The following DNAH1 variants were observed in gnomAD, a reference collection of about 807,000 sequenced individuals.
DNAH1 encodes the protein axonemal beta dynein heavy chain 1.
Under a neutral mutation model 484.3 loss-of-function variants are expected in DNAH1, and 327 were observed. That is an observed-to-expected ratio of 0.68 (90% CI 0.62 to 0.74). The LOEUF is 0.74. DNAH1 is among the 30% of genes least tolerant of loss of function. The pLI, the probability that DNAH1 is intolerant of heterozygous loss-of-function variation, is 0.00. For missense variants in DNAH1, 5,052 were observed against 5,546.8 expected, an observed-to-expected ratio of 0.91 and a Z score of 2.83; for synonymous variants, 2,192 against 2,191.9, an observed-to-expected ratio of 1.00 and a Z score of 0.00.
intron 3 of DNAH1, among the ~76,000 whole-genome samples, chr3:52,325,611 T>C (rs1412173598): frequency 6.6e-6 from 1 of 152,214 alleles, no homozygotes; most frequent in Non-Finnish European, 1.5e-5. Flanking sequence ...CTGTATACCC[T>C]GCTCATCTAA....
intron 5 of DNAH1, 76 bp from the exon 6 acceptor site, chr3:52,327,806 C>T (rs773397651): frequency 6.4e-7 from 1 of 1,570,602 alleles, no homozygotes; most frequent in Non-Finnish European, 8.7e-7. Flanking sequence ...GGCACCCCAT[C>T]CTTTGGCACA....
At chr3:52,372,472 T>C in intron 43 of DNAH1, 85 bp downstream of exon 43, 1 of 1,549,864 alleles carries the variant, frequency 6.5e-7, no homozygotes. Context: ...CACCAAATTA[T>C]GCTCCTGGGT....
At position 52,359,697 on chromosome 3, in the gene DNAH1, C is replaced by T. The variant is rs571547657; in HGVS notation, c.4408-219C>T. Among the ~76,000 whole-genome samples, 11 of 152,346 alleles carry T rather than the reference C, an allele frequency of 7.2e-5. No homozygotes were observed. In the South Asian group the frequency reaches 2.3e-3, roughly 32 times the overall value. The stretch of plus-strand genomic sequence containing the variant: ...GCTCCCCCTCCCGGCTTTAAGGGTT[C>T]AGACAGCACGACATGCTGCAGGGAG... On this transcript the variant is annotated intron_variant, in intron 26 of 77. Coordinates refer to ENST00000420323, the MANE Select transcript of DNAH1 (RefSeq NM_015512.5).
chr3:52,327,448 G>A (rs1701388080), intron 5 of DNAH1, among the ~76,000 whole-genome samples: 2 of 152,108 alleles, frequency 1.3e-5, no homozygotes, highest in South Asian at 2.1e-4. Flanking sequence ...TCTAGCTAAG[G>A]GCTACCTCCT....
In DNAH1 at chr3:52,381,207, C is replaced by T. The variant is rs565106504; in HGVS notation, c.7609-433C>T. ...CCTCTACCTCATGGGCTCTATCAGT[C>T]GTCCCACCTCAGCGTCCTGAGTAGC... On this transcript the variant is annotated intron_variant, in intron 48 of 77. Transcript: ENST00000420323. The surrounding 1 kb of genome is among the most constrained non-coding windows in gnomAD (Gnocchi z 4.1). Among the ~76,000 whole-genome samples, 7 of 152,278 alleles carry T rather than the reference C, an allele frequency of 4.6e-5. No individual in the cohort carries two copies. Among genetic ancestry groups the T allele is most frequent in the Admixed American group, 1.3e-4 (2 of 15,294 alleles).
chr3:52,380,331 T>C (rs921694851), intron 48 of DNAH1, among the ~76,000 whole-genome samples, 196 bp downstream of exon 48: 5 of 151,912 alleles, frequency 3.3e-5, no homozygotes, highest in Admixed American at 2.0e-4. Context: ...TCTTCACTTA[T>C]CTCTGAAAAC....
At chr3:52,356,929 C>T (rs943692026) in intron 22 of DNAH1, among the ~76,000 whole-genome samples, 151 bp downstream of exon 22, 1 of 152,004 alleles carries the variant, frequency 6.6e-6, no homozygotes, top group Non-Finnish European at 1.5e-5. Context: ...CCAGAGTGGG[C>T]TCCCCAGCCT....
chr3:52,361,868 T>G lies in DNAH1; in HGVS notation c.4980+102T>G. On this transcript the variant is annotated intron_variant, in intron 30 of 77. Transcript: ENST00000420323. This position sits in a 1 kb window ranked among gnomAD's most constrained non-coding sequence, Gnocchi z 5.6. Reference sequence around the variant, plus strand: ...AGAAGCCAGGCGCTAAGGTCCACCCTGGGTCCAGCCTCTCTTGTCCCGGGG... The same window carrying G: ...AGAAGCCAGGCGCTAAGGTCCACCCGGGGTCCAGCCTCTCTTGTCCCGGGG... 2.4e-6 allele frequency: 3 copies of G among 1,267,076 alleles called. No individual in the cohort carries two copies. Among genetic ancestry groups the G allele is most frequent in the Non-Finnish European group, 3.3e-6 (3 of 910,952 alleles). 78.5% of individuals were successfully genotyped at this position (1,267,076 alleles called of 1,614,324 possible).
chr3:52,399,045 A>G lies in DNAH1; in HGVS notation c.12285A>G (p.Gln4095=). ...PLSSWVMDLL[Q]RLDFLQAWIQ... is the part of the protein sequence containing the mutation. ...CATCATGGGTCATGGACCTGCTGCAACGCCTGGACTTTCTGCAGGCCTGGA... is the reference window on the plus strand; with the variant it reads ...CATCATGGGTCATGGACCTGCTGCAGCGCCTGGACTTTCTGCAGGCCTGGA... The change falls in exon 76 of 78, where the codon CAA becomes CAG. Residue 4095 remains glutamine (Q), a synonymous_variant. Coordinates refer to ENST00000420323, the MANE Select transcript of DNAH1 (RefSeq NM_015512.5). 6.2e-7 allele frequency: 1 copy of G among 1,614,066 alleles called. No individual in the cohort carries two copies. The highest frequency in any genetic ancestry group is 8.5e-7 in the Non-Finnish European group (1 of 1,179,900).
At chr3:52,380,793 C>T (rs571605704) in intron 48 of DNAH1, among the ~76,000 whole-genome samples, 78 of 152,344 alleles carry the variant, frequency 5.1e-4, no homozygotes, top group Non-Finnish European at 9.0e-4. Flanking sequence ...TGATTGGAGT[C>T]GCCCCAAAAG....
chr3:52,384,789 C>G lies in DNAH1; in HGVS notation c.8326C>G (p.Gln2776Glu), dbSNP rs1420766448. 6.2e-7 allele frequency: 1 copy of G among 1,602,466 alleles called. No individual in the cohort carries two copies. Among genetic ancestry groups the G allele is most frequent in the Non-Finnish European group, 8.5e-7 (1 of 1,174,518 alleles). The change falls in exon 53 of 78, where the codon CAG (glutamine) becomes GAG (glutamate). Residue 2776 changes from glutamine (Q) to glutamate (E), a missense_variant. Around this residue, in one of 4 missense-constraint regions of DNAH1, gnomAD observed 2,929 missense variants for 3,409.4 expected, o/e 0.86. Transcript: ENST00000420323. ...ATCCATGGTCTTCCTCCCCCAGATC[C>G]AGGTCTGTGTGTACATCCACCAGTC... ...SSQEEIQGLI[Q>E]VCVYIHQSVS... is the part of the protein sequence containing the mutation.
At position 52,375,293 on chromosome 3, in the gene DNAH1, G is replaced by A; in HGVS notation, c.7039G>A (p.Gly2347Ser). 6.2e-7 allele frequency: 1 copy of A among 1,612,198 alleles called. No individual in the cohort carries two copies. The highest frequency in any genetic ancestry group is 8.5e-7 in the Non-Finnish European group (1 of 1,179,240). The change falls in exon 45 of 78, where the codon GGT (glycine) becomes AGT (serine). Residue 2347 changes from glycine (G) to serine (S), a missense_variant. By Grantham distance (56) the Gly-to-Ser change is moderately conservative. Coordinates refer to ENST00000420323, the MANE Select transcript of DNAH1 (RefSeq NM_015512.5). The part of the protein sequence containing the change: ...INFVCAMGPP[G>S]GGRNTVTPRL... ...CTTTGTCTGTGCCATGGGCCCCCCG[G>A]GTGGAGGCAGGAACACCGTCACCCC...
At position 52,388,590 on chromosome 3, in the gene DNAH1, G is replaced by A. The variant is rs369757914; in HGVS notation, c.9344G>A (p.Arg3115Gln). 1.9e-5 allele frequency: 31 copies of A among 1,612,104 alleles called. No individual in the cohort carries two copies. The highest frequency in any genetic ancestry group is 4.0e-5 in the African/African-American group (3 of 74,916). ...CTGAAGTGTGAGCAGTGTGAGCAGC[G>A]GCTGGGCCGAGCTGGCAAGGTGCGC... ...LELKCEQCEQ[R>Q]LGRAGKLING... Residue 3115 changes from arginine to glutamine, a missense_variant, in exon 58 of 78, where the codon CGG becomes CAG. Arg to Gln is a conservative substitution (Grantham distance 43, BLOSUM62 1). Around this residue, in one of 4 missense-constraint regions of DNAH1, gnomAD observed 2,929 missense variants for 3,409.4 expected, o/e 0.86. Coordinates refer to ENST00000420323, the MANE Select transcript of DNAH1 (RefSeq NM_015512.5).
At position 52,396,741 on chromosome 3, in the gene DNAH1, A is replaced by C; in HGVS notation, c.11554A>C (p.Ile3852Leu). Residue 3852 changes from isoleucine (I) to leucine (L), a missense_variant, in exon 72 of 78, where the codon ATC (isoleucine) becomes CTC (leucine). Ile to Leu is a conservative substitution (Grantham distance 5, BLOSUM62 2). This residue lies in a region of DNAH1 where 853 missense variants were observed against 899.0 expected (regional missense o/e 0.95). Transcript: ENST00000420323. ...TGAGTTCACGGATGGAGATCTGCGC[A>C]TCTGCATCAGCCAGCTCAAGATGTT... Reference protein sequence around the residue: ...PYEFTDGDLRICISQLKMFLD... With the variant: ...PYEFTDGDLRLCISQLKMFLD... 1.2e-6 allele frequency: 2 copies of C among 1,613,766 alleles called. No homozygotes were observed. Among genetic ancestry groups the C allele is most frequent in the Non-Finnish European group, 1.7e-6 (2 of 1,179,870 alleles).
chr3:52,376,137 G>A (rs1444848522), intron 46 of DNAH1, 144 bp downstream of exon 46: 22 of 1,020,528 alleles, frequency 2.2e-5, no homozygotes, highest in Non-Finnish European at 3.0e-5. Context: ...GGGTGCCAGA[G>A]CGAAGGTTGA....
chr3:52,360,199 T>C, intron 27 of DNAH1, 112 bp from the exon 28 acceptor site: 1 of 1,508,684 alleles, frequency 6.6e-7, no homozygotes, highest in Non-Finnish European at 9.1e-7. Context: ...ACAAGCTGGG[T>C]ATGGGTACCT....
chr3:52,395,576 C>T lies in DNAH1; in HGVS notation c.11157C>T (p.Ser3719=). Residue 3719 remains serine, a synonymous_variant, in exon 70 of 78, where the codon AGC becomes AGT. Coordinates refer to ENST00000420323, the MANE Select transcript of DNAH1 (RefSeq NM_015512.5). This position sits in a 1 kb window ranked among gnomAD's most constrained non-coding sequence, Gnocchi z 4.4. ...QGPRAEAMMR[S]SIERGKWVFF... is the part of the protein sequence containing the mutation. ...CTCGGGCAGAAGCCATGATGCGCAGCTCCATAGAGAGGGGCAAATGGGTCT... is the reference window on the plus strand; with the variant it reads ...CTCGGGCAGAAGCCATGATGCGCAGTTCCATAGAGAGGGGCAAATGGGTCT... 1 of 1,613,824 alleles carries T rather than the reference C, an allele frequency of 6.2e-7. No homozygotes were observed.
chr3:52,397,036 GA>G lies in DNAH1; in HGVS notation c.11780del (p.Asp3927AlafsTer61). On this transcript the variant is annotated frameshift_variant, in exon 73 of 78. Coordinates refer to ENST00000420323, the MANE Select transcript of DNAH1 (RefSeq NM_015512.5). LOFTEE classifies it high-confidence loss of function. ...GIYHQIPPTYDLHGYLSYIKS... is the reference protein window; with the variant it reads ...GIYHQIPPTYXLHGYLSYIKS... ...CTACCACCAGATCCCGCCTACCTAC[GA>G]CCTCCACGTGAGTCCAGCCCAAAGG... The G allele has an allele frequency of 6.2e-7, 1 of 1,604,196 alleles. No homozygotes were observed. Among genetic ancestry groups the G allele is most frequent in the Non-Finnish European group, 8.5e-7 (1 of 1,175,648 alleles).
In DNAH1 at chr3:52,362,624, C is replaced by A; in HGVS notation, c.5094+123C>A. 1.1e-6 allele frequency: 1 copy of A among 924,244 alleles called. No individual in the cohort carries two copies. The highest frequency in any genetic ancestry group is 1.6e-6 in the Non-Finnish European group (1 of 608,378). The allele number at this position is 924,244 out of a possible 1,614,324, so 57.3% of individuals were successfully genotyped here. A position where few individuals can be genotyped will look rare whatever the true frequency, so the allele number is the denominator to read the frequency against. ...CAGGGACTGTGATTCCCTATGGTAG[C>A]CCCTTAGCCATGGAGGGGAGGCCTC... On this transcript the variant is annotated intron_variant, in intron 31 of 77. Coordinates refer to ENST00000420323, the MANE Select transcript of DNAH1 (RefSeq NM_015512.5). The surrounding 1 kb of genome is among the most constrained non-coding windows in gnomAD (Gnocchi z 5.1).
Sources: allele counts gnomAD v4.1 joint callset (sites outside exome capture counted in the v4.1 genomes callset), GRCh38; gene constraint gnomAD v4.1.1; regional missense constraint gnomAD v4.1.1; non-coding constraint Gnocchi (gnomAD v3.1); transcripts MANE v1.5; gene names NCBI Gene and HGNC (gene_info 2026-07-23, HGNC 2026-07-21).